Variants in FARP1 observed in about 807,000 individuals in gnomAD.
FARP1 encodes the protein FERM, ARH/RhoGEF and pleckstrin domain protein 1.
Under a neutral mutation model 128.8 loss-of-function variants are expected in FARP1, and 52 were observed. The observed-to-expected ratio is 0.40, with a 90% confidence interval of 0.32 to 0.51. FARP1 has a LOEUF of 0.51. Among genes scored for constraint, FARP1 ranks in the 20% least tolerant of loss-of-function variants. The pLI is 0.45. For missense variants in FARP1, 1,333 were observed against 1,367.9 expected (o/e 0.97, Z 0.40); for synonymous variants, 580 against 551.8 (o/e 1.05, Z -0.72).
chr13:98,213,310 G>A lies in FARP1; in HGVS notation c.68G>A (p.Ser23Asn). The change falls in exon 2 of 27, where the codon AGT becomes AAT. Residue 23 changes from serine (S) to asparagine (N), a missense_variant. Physicochemically the swap from Ser to Asn is conservative, Grantham distance 46 (BLOSUM62 1). Around this residue, in one of 2 missense-constraint regions of FARP1, gnomAD observed 324 missense variants for 398.1 expected, o/e 0.81. Transcript: ENST00000319562. ...RLGAPENSGI[S>N]TLERGQKPPP... Reference sequence around the variant, plus strand: ...GGGGCCCCGGAAAATTCGGGGATCAGTACCTTGGAACGTGGACAGAAGCCG... The same window carrying A: ...GGGGCCCCGGAAAATTCGGGGATCAATACCTTGGAACGTGGACAGAAGCCG... 6.2e-7 allele frequency: 1 copy of A among 1,614,180 alleles called. No individual in the cohort carries two copies. Among genetic ancestry groups the A allele is most frequent in the South Asian group, 1.1e-5 (1 of 91,078 alleles).
chr13:98,441,283 C>A (rs1892514408), intron 24 of FARP1, among the ~76,000 whole-genome samples: 1 of 152,202 alleles, frequency 6.6e-6, no homozygotes, highest in Non-Finnish European at 1.5e-5. Flanking sequence ...AGCTCCTCCC[C>A]ATCATGAGGG....
At position 98,384,523 on chromosome 13, in the gene FARP1, G is replaced by A. The variant is rs111390446; in HGVS notation, c.497-207G>A. 58 of 585,128 alleles carry A rather than the reference G, an allele frequency of 9.9e-5. 2 individuals are homozygous for A. The East Asian group carries it at 1.2e-3, about 12-fold the overall frequency. The allele number at this position is 585,128 out of a possible 1,614,324, so 36.2% of individuals were successfully genotyped here. ...GCTTCTTTCTGACTGATAGAGATGA[G>A]GAGGGGAGAAAACTGTCTTCTCACA... On this transcript the variant is annotated intron_variant, in intron 6 of 26. Coordinates refer to ENST00000319562, the MANE Select transcript of FARP1 (RefSeq NM_005766.4).
At chr13:98,267,597 G>A in intron 2 of FARP1, among the ~76,000 whole-genome samples, 1 of 152,162 alleles carries the variant, frequency 6.6e-6, no homozygotes, top group Admixed American at 6.5e-5. Context: ...AAATGTTCCA[G>A]CCCCGTAGGT....
intron 2 of FARP1, among the ~76,000 whole-genome samples, chr13:98,286,980 A>G (rs188211652): frequency 6.6e-6 from 1 of 152,222 alleles, no homozygotes; most frequent in Admixed American, 6.5e-5. Flanking sequence ...CATACTGTTT[A>G]TGTAGCATCG....
At chr13:98,431,607 G>A (rs1347512540) in intron 18 of FARP1, 7 of 187,020 alleles carry the variant, frequency 3.7e-5, no homozygotes, top group African/African-American at 7.1e-5. Context: ...GATTACAGGC[G>A]CCCGCCACCA....
intron 1 of FARP1, among the ~76,000 whole-genome samples, chr13:98,165,214 CAAAAAAAA>C (rs34285712): frequency 3.0e-3 from 257 of 84,744 alleles, no homozygotes; most frequent in Non-Finnish European, 4.6e-3. Flanking sequence ...GACTCTGTCT[CAAAAAAAA>C]AAAAAAAAAA....
chr13:98,164,213 G>C (rs1168669796), intron 1 of FARP1, among the ~76,000 whole-genome samples: 3 of 152,200 alleles, frequency 2.0e-5, no homozygotes, highest in African/African-American at 7.2e-5. Flanking sequence ...CATATGGATA[G>C]TTTGCCTCCA....
chr13:98,167,849 C>T (rs1228911031), intron 1 of FARP1, among the ~76,000 whole-genome samples: 1 of 152,178 alleles, frequency 6.6e-6, no homozygotes, highest in East Asian at 1.9e-4. Flanking sequence ...CAGCTATACA[C>T]GAATAAAGAG....
chr13:98,432,991 AGAACTAACAT>A (rs1014857140), intron 18 of FARP1: 2 of 152,090 alleles, frequency 1.3e-5, no homozygotes, highest in African/African-American at 4.9e-5. Flanking sequence ...GTCTAAGTTC[AGAACTAACAT>A]GTAAATAGGA....
At chr13:98,363,126 C>A (rs1888941334) in intron 3 of FARP1, among the ~76,000 whole-genome samples, 1 of 152,220 alleles carries the variant, frequency 6.6e-6, no homozygotes, top group African/African-American at 2.4e-5. Flanking sequence ...TGGGGTAGTT[C>A]CTTCCCATTG....
At chr13:98,154,096 T>C (rs1404716499) in intron 1 of FARP1, among the ~76,000 whole-genome samples, 7 of 152,218 alleles carry the variant, frequency 4.6e-5, no homozygotes, top group African/African-American at 1.7e-4. Flanking sequence ...GTCTTTGTGA[T>C]TCCAACAGCT....
At chr13:98,370,952 A>T (rs1338911312) in intron 5 of FARP1, among the ~76,000 whole-genome samples, 1 of 152,116 alleles carries the variant, frequency 6.6e-6, no homozygotes, top group African/African-American at 2.4e-5. Flanking sequence ...CACAGGACTG[A>T]GGGCTGGCTG....
chr13:98,223,465 C>A (rs1399584532), intron 2 of FARP1, among the ~76,000 whole-genome samples: 2 of 152,148 alleles, frequency 1.3e-5, no homozygotes, highest in East Asian at 3.9e-4. Flanking sequence ...GCTGGGACTA[C>A]GGGCACCCGC....
At chr13:98,189,200 A>G (rs1879073681) in intron 1 of FARP1, among the ~76,000 whole-genome samples, 1 of 151,588 alleles carries the variant, frequency 6.6e-6, no homozygotes, top group Non-Finnish European at 1.5e-5. Context: ...GCCCCCTTGC[A>G]GGGCTTCAAG....
intron 2 of FARP1, among the ~76,000 whole-genome samples, chr13:98,325,383 AT>A (rs1162081847): frequency 6.6e-6 from 1 of 152,046 alleles, no homozygotes; most frequent in African/African-American, 2.4e-5. Context: ...CTGGTACTCT[AT>A]CATCTGTACG....
chr13:98,291,471 G>A (rs1885442625), intron 2 of FARP1, among the ~76,000 whole-genome samples: 1 of 152,146 alleles, frequency 6.6e-6, no homozygotes, highest in Non-Finnish European at 1.5e-5. Flanking sequence ...ATTTGGGTCT[G>A]TGAAACTGGC....
At chr13:98,398,163 A>G (rs1056029994) in intron 13 of FARP1, 1 of 152,216 alleles carries the variant, frequency 6.6e-6, no homozygotes, top group Admixed American at 6.5e-5. Context: ...ATGAATGTCC[A>G]GAAGTCGGTT....
Position 98,175,321 on chromosome 13 carries a change from G to A in FARP1, c.-24+31829G>A, listed in dbSNP as rs377533060. Among the ~76,000 whole-genome samples the A allele has an allele frequency of 5.5e-4, 83 of 152,132 alleles. No homozygotes were observed. In the East Asian group the frequency reaches 0.015, roughly 27 times the overall value. On this transcript the variant is annotated intron_variant, in intron 1 of 26. Coordinates refer to ENST00000319562, the MANE Select transcript of FARP1 (RefSeq NM_005766.4). ...GAGAGGAATACATTGCCATTTTAAG[G>A]GAGAGGATGTTAACATCAGCCAAAC...
At chr13:98,161,215 ATTT>A (rs1237544014) in intron 1 of FARP1, among the ~76,000 whole-genome samples, 7 of 136,920 alleles carry the variant, frequency 5.1e-5, no homozygotes, top group African/African-American at 1.1e-4. Context: ...TGCTTCAGTA[ATTT>A]TTTTTTTTTT....
Sources: gnomAD v4.1 joint callset for allele counts (sites outside exome capture counted in the v4.1 genomes callset) on GRCh38, gnomAD v4.1.1 for gene constraint, gnomAD v4.1.1 regional missense constraint, MANE v1.5 for transcripts, NCBI Gene and HGNC (gene_info 2026-07-23, HGNC 2026-07-21) for gene names.